Variants in COL24A1 observed in about 807,000 individuals in gnomAD.
The protein encoded by COL24A1 is collagen type XXIV alpha 1 chain.
A neutral mutation model predicts 253.9 loss-of-function variants in COL24A1; 224 were observed. The ratio of observed to expected loss-of-function variants is 0.88; its 90% CI spans 0.79 to 0.99. The LOEUF is 0.99. Ranked by LOEUF, COL24A1 falls within the 50% of genes least tolerant of loss-of-function variation. The pLI is 0.00. For missense variants in COL24A1, 2,131 were observed against 2,068.5 expected (o/e 1.03, Z -0.59); for synonymous variants, 685 against 673.7 (o/e 1.02, Z -0.26).
chr1:85,880,196 T>C (rs1334506140), intron 32 of COL24A1, among the ~76,000 whole-genome samples: 2 of 152,184 alleles, frequency 1.3e-5, no homozygotes, highest in Non-Finnish European at 2.9e-5. Flanking sequence ...ATTTCTTTGA[T>C]AAAAGTTTAC....
intron 2 of COL24A1, among the ~76,000 whole-genome samples, chr1:86,130,716 A>C (rs973782785): frequency 4.6e-5 from 7 of 151,962 alleles, no homozygotes; most frequent in African/African-American, 1.7e-4. Context: ...TAAAATATTT[A>C]ATTCCCAGCT....
At chr1:86,042,425 T>C (rs1699572762) in intron 12 of COL24A1, among the ~76,000 whole-genome samples, 1 of 152,092 alleles carries the variant, frequency 6.6e-6, no homozygotes. Context: ...TAACATTTCA[T>C]TTTGGGAAAA....
At chr1:85,764,687 A>G (rs1191478444) in intron 53 of COL24A1, among the ~76,000 whole-genome samples, 2 of 152,170 alleles carry the variant, frequency 1.3e-5, no homozygotes, top group East Asian at 3.8e-4. Flanking sequence ...TTGTAATATA[A>G]TAGGTCTAGT....
intron 7 of COL24A1, among the ~76,000 whole-genome samples, chr1:86,077,906 A>C (rs1356765380): frequency 6.6e-6 from 1 of 152,192 alleles, no homozygotes; most frequent in Non-Finnish European, 1.5e-5. Flanking sequence ...TGATGGGTGC[A>C]AACCACTATG....
At chr1:86,055,860 C>T (rs1348727089) in intron 10 of COL24A1, among the ~76,000 whole-genome samples, 1 of 152,154 alleles carries the variant, frequency 6.6e-6, no homozygotes, top group Non-Finnish European at 1.5e-5. Context: ...CGGTGGCTCA[C>T]ACCTGTAATC....
At chr1:86,142,456 G>A (rs1472172056) in intron 2 of COL24A1, among the ~76,000 whole-genome samples, 1 of 151,246 alleles carries the variant, frequency 6.6e-6, no homozygotes, top group Admixed American at 6.6e-5. Flanking sequence ...CTGGGAGGCA[G>A]AGCTTGCAGT....
intron 4 of COL24A1, among the ~76,000 whole-genome samples, chr1:86,114,521 G>A (rs1303252224): frequency 1.3e-5 from 2 of 152,092 alleles, no homozygotes; most frequent in Non-Finnish European, 2.9e-5. Context: ...AAGGGGCTAT[G>A]GAAGAAATGT....
intron 5 of COL24A1, among the ~76,000 whole-genome samples, chr1:86,102,546 C>T (rs530904285): frequency 1.7e-4 from 26 of 152,184 alleles, no homozygotes; most frequent in African/African-American, 6.0e-4. Context: ...TTAATACTGC[C>T]TTAGCTGTGT....
At chr1:85,945,002 GTTTTTTTTTTTTTTTTTTT>G (rs1165341082) in intron 24 of COL24A1, among the ~76,000 whole-genome samples, 1 of 35,366 alleles carries the variant, frequency 2.8e-5, no homozygotes, top group African/African-American at 1.2e-4. Context: ...CTATCATTGT[GTTTTTTTTTTTTTTTTTTT>G]TTTTTTTTTT....
intron 1 of COL24A1, among the ~76,000 whole-genome samples, chr1:86,146,753 A>G (rs899590140): frequency 6.6e-6 from 1 of 152,020 alleles, no homozygotes; most frequent in Non-Finnish European, 1.5e-5. Context: ...GAAAATAGCA[A>G]TGGCCTGTAG....
chr1:86,057,109 C>T (rs1280934943), intron 10 of COL24A1, among the ~76,000 whole-genome samples: 1 of 152,036 alleles, frequency 6.6e-6, no homozygotes, highest in Non-Finnish European at 1.5e-5. Flanking sequence ...GGGGGCGGAT[C>T]CCTCGTGGAT....
intron 46 of COL24A1, among the ~76,000 whole-genome samples, chr1:85,817,709 G>T: frequency 6.6e-6 from 1 of 151,864 alleles, no homozygotes; most frequent in Non-Finnish European, 1.5e-5. Context: ...AATATCTCTG[G>T]CCTTTGTCAC....
intron 2 of COL24A1, 52 bp from the exon 3 acceptor site, chr1:86,126,266 G>C: frequency 6.8e-7 from 1 of 1,469,920 alleles, no homozygotes; most frequent in Non-Finnish European, 9.1e-7. Flanking sequence ...ATGGATTCAA[G>C]TGTTCATATA....
chr1:85,949,583 C>A (rs7536689), intron 24 of COL24A1, among the ~76,000 whole-genome samples: 48,167 of 151,810 alleles, frequency 0.32, 8,557 homozygotes, highest in East Asian at 0.51. Flanking sequence ...GTTTATGGAG[C>A]TTTTACTCTA....
At chr1:86,074,392 C>CA (rs1161821693) in intron 7 of COL24A1, among the ~76,000 whole-genome samples, 1 of 151,836 alleles carries the variant, frequency 6.6e-6, no homozygotes, top group African/African-American at 2.4e-5. Context: ...GGGATCAATG[C>CA]AAAAAAAGAG....
intron 2 of COL24A1, among the ~76,000 whole-genome samples, chr1:86,130,817 A>G (rs766174356): frequency 1.4e-4 from 21 of 151,886 alleles, no homozygotes; most frequent in Admixed American, 5.3e-4. Flanking sequence ...CCATTCCTAC[A>G]TTGTTAGTTT....
At chr1:85,934,468 T>C (rs1015254959) in intron 24 of COL24A1, among the ~76,000 whole-genome samples, 1 of 152,212 alleles carries the variant, frequency 6.6e-6, no homozygotes, top group Non-Finnish European at 1.5e-5. Context: ...GTGAACACTC[T>C]AAATTAGTGT....
chr1:86,038,142 G>A (rs1463315679), intron 12 of COL24A1, among the ~76,000 whole-genome samples: 1 of 151,888 alleles, frequency 6.6e-6, no homozygotes, highest in Non-Finnish European at 1.5e-5. Context: ...ATAATAATAT[G>A]CATTGTTTAA....
chr1:86,102,728 G>T (rs1004007242), intron 5 of COL24A1, among the ~76,000 whole-genome samples: 3 of 152,052 alleles, frequency 2.0e-5, no homozygotes, highest in African/African-American at 7.2e-5. Flanking sequence ...ATTTTACTTT[G>T]CTGTAGTCCA....
Sources: allele counts gnomAD v4.1 joint callset (sites outside exome capture counted in the v4.1 genomes callset), GRCh38; gene constraint gnomAD v4.1.1; transcripts MANE v1.5; gene names NCBI Gene and HGNC (gene_info 2026-07-23, HGNC 2026-07-21).